Variants in PDK1 observed in about 807,000 individuals in gnomAD.
PDK1 encodes the protein pyruvate dehydrogenase kinase 1.
PDK1 carries 39 observed loss-of-function variants against 54.2 expected under a neutral mutation model. The ratio of observed to expected loss-of-function variants is 0.72; its 90% CI spans 0.56 to 0.94. PDK1 has a LOEUF of 0.94. Among genes scored for constraint, PDK1 ranks in the 40% least tolerant of loss-of-function variants. PDK1 has a pLI of 0.00. For synonymous variants in PDK1, 221 were observed against 207.1 expected, an observed-to-expected ratio of 1.07 and a Z score of -0.58; for missense variants, 552 against 566.0, an observed-to-expected ratio of 0.98 and a Z score of 0.25.
intron 8 of PDK1, among the ~76,000 whole-genome samples, chr2:172,579,511 CT>C: frequency 6.7e-6 from 1 of 149,236 alleles, no homozygotes; most frequent in Non-Finnish European, 1.5e-5. Context: ...TTGCACCCCC[CT>C]CCCCCGCTCT....
At chr2:172,556,032 G>A (rs1688293823), upstream of PDK1, 5 of 711,892 alleles carry the variant, frequency 7.0e-6, no homozygotes, top group Non-Finnish European at 1.0e-5. Flanking sequence ...GGAGGGTGGG[G>A]GCCGCGCCGG....
chr2:172,655,449 C>G, the PDK1 span, among the ~76,000 whole-genome samples: 1 of 152,204 alleles, frequency 6.6e-6, no homozygotes, highest in Non-Finnish European at 1.5e-5. Context: ...AGAGCTCATT[C>G]CACTCCTTTG....
At position 172,583,281 on chromosome 2, in the gene PDK1, G is replaced by GTTTTTTTTTTT. The variant is rs1175087926; in HGVS notation, c.946-2976_946-2966dup. Among the ~76,000 whole-genome samples the GTTTTTTTTTTT allele has an allele frequency of 1.2e-3, 95 of 77,074 alleles. 10 individuals are homozygous for GTTTTTTTTTTT. Among genetic ancestry groups the GTTTTTTTTTTT allele is most frequent in the African/African-American group, 4.4e-3 (81 of 18,482 alleles). The allele number at this position is 77,074 out of a possible 152,430, so 50.6% of individuals were successfully genotyped here. ...CATAATGCTGCATAAAAGTTTTCTG[G>GTTTTTTTTTTT]TTTTTTTTTTTTTTTTTTTTTTTTT... On this transcript the variant is annotated intron_variant, in intron 8 of 10. Transcript: ENST00000282077.
At chr2:172,591,567 A>G (rs1296449321) in intron 9 of PDK1, among the ~76,000 whole-genome samples, 1 of 152,170 alleles carries the variant, frequency 6.6e-6, no homozygotes, top group Non-Finnish European at 1.5e-5. Flanking sequence ...ATAATGAAGT[A>G]GATAAACTGG....
At chr2:172,650,471 T>G in the PDK1 span, among the ~76,000 whole-genome samples, 1 of 152,114 alleles carries the variant, frequency 6.6e-6, no homozygotes, top group South Asian at 2.1e-4. Flanking sequence ...AGGATCAAAT[T>G]CACACATAAT....
chr2:172,589,602 G>T (rs1241169655), intron 9 of PDK1, among the ~76,000 whole-genome samples: 1 of 152,194 alleles, frequency 6.6e-6, no homozygotes, highest in Non-Finnish European at 1.5e-5. Flanking sequence ...GCCTCCCAGG[G>T]CAGGGAGGTG....
chr2:172,568,717 A>G (rs368164635), intron 6 of PDK1, 24 bp from the exon 7 acceptor site: 113 of 1,449,298 alleles, frequency 7.8e-5, no homozygotes, highest in Non-Finnish European at 1.0e-4. Flanking sequence ...CTGTACTTTC[A>G]TATTTTTCTC....
chr2:172,568,707 C>T (rs1363066464), intron 6 of PDK1, 34 bp from the exon 7 acceptor site: 3 of 1,293,522 alleles, frequency 2.3e-6, no homozygotes, highest in African/African-American at 1.5e-5. Context: ...GCACATCTCT[C>T]TGTACTTTCA....
In PDK1 at chr2:172,595,937, C is replaced by A. The variant is rs1292785010; in HGVS notation, c.1279C>A (p.Pro427Thr). 6.2e-7 allele frequency: 1 copy of A among 1,613,418 alleles called. No homozygotes were observed. Among genetic ancestry groups the A allele is most frequent in the Non-Finnish European group, 8.5e-7 (1 of 1,179,714 alleles). Residue 427 changes from proline to threonine, a missense_variant, in exon 11 of 11, where the codon CCC (proline) becomes ACC (threonine). Coordinates refer to ENST00000282077, the MANE Select transcript of PDK1 (RefSeq NM_002610.5). Reference protein sequence around the residue: ...ADDWCVPSREPKDMTTFRSA With the variant: ...ADDWCVPSRETKDMTTFRSA ...TGACTGGTGCGTCCCCAGCAGAGAA[C>A]CCAAAGACATGACGACGTTCCGCAG...
the PDK1 span, among the ~76,000 whole-genome samples, chr2:172,648,901 TG>T: frequency 6.6e-6 from 1 of 152,332 alleles, no homozygotes; most frequent in Non-Finnish European, 1.5e-5. Flanking sequence ...ACTCCACCTC[TG>T]GGGGCAGGGC....
the PDK1 span, among the ~76,000 whole-genome samples, chr2:172,652,674 AACAG>A: frequency 6.6e-6 from 1 of 152,214 alleles, no homozygotes; most frequent in Admixed American, 6.5e-5. Context: ...ATACACCAAT[AACAG>A]ACAAACAGAG....
In PDK1 at chr2:172,557,610, CGTGTGTGTGTGTGT is replaced by C. The variant is rs55753852; in HGVS notation, c.197-1075_197-1062del. ...TTCCTCTGCACTTACTCTTTTTTCC[CGTGTGTGTGTGTGT>C]GTGTGTGTGTGTGTGTGTGTGTATT... On this transcript the variant is annotated intron_variant, in intron 1 of 10. Coordinates refer to ENST00000282077, the MANE Select transcript of PDK1 (RefSeq NM_002610.5). 9.4e-3 allele frequency among the ~76,000 whole-genome samples: 1,341 copies of C among 142,012 alleles called. 17 individuals carry two copies. The highest frequency in any genetic ancestry group is 0.03 in the African/African-American group (1,133 of 37,838). 93.2% of individuals were successfully genotyped at this position (142,012 alleles called of 152,430 possible).
At chr2:172,617,896 TA>T in the PDK1 span, among the ~76,000 whole-genome samples, 2 of 152,080 alleles carry the variant, frequency 1.3e-5, no homozygotes, top group African/African-American at 2.4e-5. Context: ...TAACTTTATT[TA>T]AAAAAAACCT....
chr2:172,592,209 G>A (rs188588293), intron 9 of PDK1, among the ~76,000 whole-genome samples: 55 of 152,384 alleles, frequency 3.6e-4, no homozygotes, highest in Non-Finnish European at 5.7e-4. Flanking sequence ...TAGGGTTACA[G>A]AGAAGACCTT....
chr2:172,618,444 A>G, the PDK1 span, among the ~76,000 whole-genome samples: 1 of 152,358 alleles, frequency 6.6e-6, no homozygotes, highest in African/African-American at 2.4e-5. Flanking sequence ...AAAACATTCC[A>G]TTCCTACTTT....
chr2:172,675,659 C>T, the PDK1 span, among the ~76,000 whole-genome samples: 1 of 152,130 alleles, frequency 6.6e-6, no homozygotes, highest in South Asian at 2.1e-4. Context: ...GGAAAGAAGC[C>T]ATCTCTATAA....
At chr2:172,699,459 G>A in the PDK1 span, among the ~76,000 whole-genome samples, 30 of 148,090 alleles carry the variant, frequency 2.0e-4, 1 homozygote, top group African/African-American at 7.4e-4. Context: ...ACCTGATTTT[G>A]AGTACAGACC....
At chr2:172,614,518 G>A in the PDK1 span, among the ~76,000 whole-genome samples, 1 of 152,242 alleles carries the variant, frequency 6.6e-6, no homozygotes, top group Non-Finnish European at 1.5e-5. Context: ...CACCTTCAGA[G>A]AGAAACTGTT....
the PDK1 span, among the ~76,000 whole-genome samples, chr2:172,668,811 TTA>T: frequency 1.1e-3 from 157 of 145,908 alleles, 1 homozygote; most frequent in Middle Eastern, 3.6e-3. Flanking sequence ...TATATATACA[TTA>T]TATATATATA....
Sources: gnomAD v4.1 joint callset for allele counts (sites outside exome capture counted in the v4.1 genomes callset) on GRCh38, gnomAD v4.1.1 for gene constraint, MANE v1.5 for transcripts, NCBI Gene and HGNC (gene_info 2026-07-23, HGNC 2026-07-21) for gene names.